The following ADGRL4 variants were observed in gnomAD, a reference collection of about 807,000 sequenced individuals.
The protein encoded by ADGRL4 is EGF, latrophilin and seven transmembrane domain containing 1.
Under a neutral mutation model 74.8 loss-of-function variants are expected in ADGRL4, and 90 were observed. That is an observed-to-expected ratio of 1.20 (90% CI 1.02 to 1.43). The LOEUF is 1.43. Among genes scored for constraint, ADGRL4 ranks in the 40% most tolerant of loss-of-function variants. ADGRL4 has a pLI of 0.00. For missense variants in ADGRL4, 881 were observed against 814.3 expected, an observed-to-expected ratio of 1.08 and a Z score of -1.00; for synonymous variants, 311 against 279.2, an observed-to-expected ratio of 1.11 and a Z score of -1.14.
intron 3 of ADGRL4, among the ~76,000 whole-genome samples, chr1:78,942,430 A>G (rs1416969256): frequency 6.6e-6 from 1 of 152,074 alleles, no homozygotes; most frequent in Non-Finnish European, 1.5e-5. Context: ...TGTCTTGGTA[A>G]TCTCCAAATC....
chr1:78,998,648 C>T (rs1461395914), intron 2 of ADGRL4, among the ~76,000 whole-genome samples: 1 of 152,116 alleles, frequency 6.6e-6, no homozygotes, highest in Non-Finnish European at 1.5e-5. Flanking sequence ...TTACAGGCGT[C>T]AGCCACCGCA....
chr1:78,969,155 C>T (rs571949485), intron 2 of ADGRL4, among the ~76,000 whole-genome samples: 6 of 152,302 alleles, frequency 3.9e-5, no homozygotes, highest in Non-Finnish European at 7.4e-5. Context: ...ATATTTGTCT[C>T]TCTTTCTCCC....
chr1:78,971,773 T>G (rs1650174688), intron 2 of ADGRL4, among the ~76,000 whole-genome samples: 1 of 152,190 alleles, frequency 6.6e-6, no homozygotes, highest in Non-Finnish European at 1.5e-5. Context: ...TTGTTGTTTT[T>G]GAGATGGAGT....
intron 2 of ADGRL4, among the ~76,000 whole-genome samples, chr1:78,971,333 T>C (rs1169115415): frequency 6.6e-6 from 1 of 152,142 alleles, no homozygotes; most frequent in African/African-American, 2.4e-5. Context: ...AACGTGCAGG[T>C]TTGTTACATA....
At position 78,891,521 on chromosome 1, in the gene ADGRL4, T is replaced by C. The variant is rs751198452; in HGVS notation, c.2010+3A>G. The C allele has an allele frequency of 6.2e-7, 1 of 1,609,800 alleles. No individual in the cohort carries two copies. Among genetic ancestry groups the C allele is most frequent in the Admixed American group, 1.7e-5 (1 of 59,280 alleles). On this transcript the variant is annotated splice_donor_region_variant and intron_variant, in intron 14 of 14. Transcript: ENST00000370742. The stretch of plus-strand genomic sequence containing the variant: ...GGAACCACCAAAATAAGAAATTGTT[T>C]ACCTTTCTAGATAAAACACACAGGA...
Position 78,929,313 on chromosome 1 carries a change from G to A in ADGRL4, c.878-2222C>T, listed in dbSNP as rs557152710. On this transcript the variant is annotated intron_variant, in intron 7 of 14. Transcript: ENST00000370742. ...GGAGGATCACTTGAGGCAGGAGTTC[G>A]AGACCAGCCTGGGCAATATGGCAAA... is the stretch of plus-strand genomic sequence containing the variant. Among the ~76,000 whole-genome samples, 162 of 151,346 alleles carry A rather than the reference G, an allele frequency of 1.1e-3. 2 individuals carry two copies. Among genetic ancestry groups the A allele is most frequent in the Non-Finnish European group, 2.1e-3 (140 of 67,976 alleles).
At chr1:78,975,740 T>C (rs1033672721) in intron 2 of ADGRL4, among the ~76,000 whole-genome samples, 1 of 151,774 alleles carries the variant, frequency 6.6e-6, no homozygotes, top group Admixed American at 6.6e-5. Context: ...ATTATTATTA[T>C]ATATATTTCA....
intron 8 of ADGRL4, among the ~76,000 whole-genome samples, chr1:78,923,745 G>C (rs191876444): frequency 1.3e-5 from 2 of 151,742 alleles, no homozygotes; most frequent in Admixed American, 1.3e-4. Context: ...AAAGTATAAA[G>C]TGAAAATAAA....
chr1:78,972,051 G>A (rs12022724), intron 2 of ADGRL4, among the ~76,000 whole-genome samples: 13,716 of 152,160 alleles, frequency 0.09, 828 homozygotes, highest in East Asian at 0.35. Context: ...CACCGTGCCC[G>A]GCCAGGATTA....
chr1:78,960,475 CTT>C (rs1204246236), intron 2 of ADGRL4, among the ~76,000 whole-genome samples: 12 of 152,114 alleles, frequency 7.9e-5, no homozygotes, highest in Non-Finnish European at 1.8e-4. Flanking sequence ...TATTGAGTGA[CTT>C]AACATAATTA....
rs1324909199 is a variant in ADGRL4 at position 78,936,016 on chromosome 1, C to T, written c.877+279G>A. 1.6e-4 allele frequency among the ~76,000 whole-genome samples: 12 copies of T among 73,968 alleles called. 4 individuals are homozygous for T. Among genetic ancestry groups the T allele is most frequent in the East Asian group, 1.0e-3 (2 of 1,958 alleles). The allele number at this position is 73,968 out of a possible 152,430, so 48.5% of individuals were successfully genotyped here. A position where few individuals can be genotyped will look rare whatever the true frequency, so the allele number is the denominator to read the frequency against. On this transcript the variant is annotated intron_variant, in intron 7 of 14. Coordinates refer to ENST00000370742, the MANE Select transcript of ADGRL4 (RefSeq NM_022159.4). ...GCGGGCGCCTGTAGTCCCAGCTACT[C>T]GGGAGGCTGAGGCAGGAGAATGGCG...
At chr1:78,910,556 AG>A (rs1159837548) in intron 12 of ADGRL4, among the ~76,000 whole-genome samples, 1 of 151,858 alleles carries the variant, frequency 6.6e-6, no homozygotes, top group East Asian at 1.9e-4. Context: ...GAATGTGTCT[AG>A]GGGAAACTTC....
chr1:78,992,242 T>TTATATATATATATATATATATAA (rs2100735250), intron 2 of ADGRL4, among the ~76,000 whole-genome samples: 1 of 152,190 alleles, frequency 6.6e-6, no homozygotes, highest in East Asian at 1.9e-4. Flanking sequence ...TAACATTCTG[T>TTATATATATATATATATATATAA]CTTTCGGCAA....
chr1:78,980,389 T>C (rs1297680589), intron 2 of ADGRL4, among the ~76,000 whole-genome samples: 2 of 151,932 alleles, frequency 1.3e-5, no homozygotes, highest in African/African-American at 4.8e-5. Context: ...ATAATATAAA[T>C]ATTTAGTAAA....
At chr1:78,899,119 C>A (rs77198934) in intron 12 of ADGRL4, among the ~76,000 whole-genome samples, 5,938 of 152,092 alleles carry the variant, frequency 0.039, 154 homozygotes, top group Middle Eastern at 0.058. Context: ...ACTTTTAGAC[C>A]CATGCTTAAA....
At chr1:78,927,910 AT>A (rs146416171) in intron 7 of ADGRL4, among the ~76,000 whole-genome samples, 1,753 of 152,010 alleles carry the variant, frequency 0.012, 52 homozygotes, top group African/African-American at 0.039. Flanking sequence ...CTAAACCCAG[AT>A]ACATTACATA....
At chr1:78,903,959 AAATAAATAAATAAATAAAT>A (rs895459549) in intron 12 of ADGRL4, among the ~76,000 whole-genome samples, 8 of 138,184 alleles carry the variant, frequency 5.8e-5, no homozygotes, top group South Asian at 4.7e-4. Context: ...ATAAATAAAT[AAATAAATAAATAAATAAAT>A]AATAATAATA....
At chr1:78,982,846 T>A (rs1650423241) in intron 2 of ADGRL4, among the ~76,000 whole-genome samples, 1 of 151,648 alleles carries the variant, frequency 6.6e-6, no homozygotes, top group African/African-American at 2.4e-5. Flanking sequence ...AAAAAAGAGG[T>A]AAGGACTGCA....
intron 2 of ADGRL4, among the ~76,000 whole-genome samples, chr1:78,969,040 T>C (rs1043439191): frequency 4.6e-5 from 7 of 152,192 alleles, no homozygotes; most frequent in Non-Finnish European, 7.3e-5. Context: ...GATTGGAATA[T>C]TGCTGATCTT....
Sources: allele counts gnomAD v4.1 joint callset (sites outside exome capture counted in the v4.1 genomes callset), GRCh38; gene constraint gnomAD v4.1.1; transcripts MANE v1.5; gene names NCBI Gene and HGNC (gene_info 2026-07-23, HGNC 2026-07-21).